Variants in PDSS1 observed in about 807,000 individuals in gnomAD.
PDSS1 encodes the protein decaprenyl diphosphate synthase subunit 1, also known as all trans-polyprenyl-diphosphate synthase PDSS1.
PDSS1 carries 43 observed loss-of-function variants against 57.5 expected under a neutral mutation model. The ratio of observed to expected loss-of-function variants is 0.75; its 90% CI spans 0.59 to 0.96. The LOEUF (loss-of-function observed/expected upper bound fraction) is 0.96. PDSS1 is among the 50% of genes least tolerant of loss of function. The pLI, the probability that PDSS1 is intolerant of heterozygous loss-of-function variation, is 0.00. For synonymous variants in PDSS1, 175 were observed against 191.3 expected (o/e 0.91, Z 0.70); for missense variants, 438 against 527.8 (o/e 0.83, Z 1.67).
At chr10:26,739,363 C>T (rs1482897038) in intron 10 of PDSS1, among the ~76,000 whole-genome samples, 2 of 152,196 alleles carry the variant, frequency 1.3e-5, no homozygotes, top group African/African-American at 4.8e-5. Flanking sequence ...ACTGTTCTTC[C>T]TGCTGTGTTT....
At position 26,709,747 on chromosome 10, in the gene PDSS1, A is replaced by G. The variant is rs768910609; in HGVS notation, c.446A>G (p.Asn149Ser). ...GTGGCGCTAATGGCCCGAGCATGCAATATTCATCATAACAACTCCCGGTGA... is the reference window on the plus strand; with the variant it reads ...GTGGCGCTAATGGCCCGAGCATGCAGTATTCATCATAACAACTCCCGGTGA... ...IIVALMARAC[N>S]IHHNNSRHVQ... Residue 149 changes from asparagine (N) to serine (S), a missense_variant, in exon 5 of 12, where the codon AAT becomes AGT. Around this residue, in one of 2 missense-constraint regions of PDSS1, gnomAD observed 284 missense variants for 390.7 expected, o/e 0.73. Coordinates refer to ENST00000376215, the MANE Select transcript of PDSS1 (RefSeq NM_014317.5). 1.2e-6 allele frequency: 2 copies of G among 1,614,008 alleles called. No homozygotes were observed. Among genetic ancestry groups the G allele is most frequent in the South Asian group, 1.1e-5 (1 of 91,080 alleles).
chr10:26,740,672 T>C (rs1836562726), intron 10 of PDSS1: 2 of 456,756 alleles, frequency 4.4e-6, no homozygotes, highest in Non-Finnish European at 8.8e-6. Context: ...AACTGGCAGC[T>C]GCTGTAAGCA....
At chr10:26,732,999 A>C (rs1413790833) in intron 8 of PDSS1, among the ~76,000 whole-genome samples, 1 of 152,160 alleles carries the variant, frequency 6.6e-6, no homozygotes, top group Non-Finnish European at 1.5e-5. Flanking sequence ...GAGGCAGGAG[A>C]ATCGCTTGAA....
chr10:26,732,363 T>C (rs962095226), intron 8 of PDSS1, among the ~76,000 whole-genome samples: 7 of 152,216 alleles, frequency 4.6e-5, no homozygotes, highest in African/African-American at 1.7e-4. Flanking sequence ...CCCTTCGCCA[T>C]GTGTCAGGCA....
rs1836615398 is a variant in PDSS1 at position 26,741,670 on chromosome 10, T to C, written c.1027-827T>C. On this transcript the variant is annotated intron_variant, in intron 10 of 11. Coordinates refer to ENST00000376215, the MANE Select transcript of PDSS1 (RefSeq NM_014317.5). Reference sequence around the variant, plus strand: ...TTGGTAATCAATTTAGAACTTAGAGTAGAATGCCTAATTCCCATCCTCATC... The same window carrying C: ...TTGGTAATCAATTTAGAACTTAGAGCAGAATGCCTAATTCCCATCCTCATC... Among the ~76,000 whole-genome samples the C allele has an allele frequency of 2.0e-5, 3 of 152,042 alleles. No homozygotes were observed. The South Asian group carries it at 6.2e-4, about 32-fold the overall frequency.
chr10:26,727,148 G>A (rs1198891558), intron 8 of PDSS1, among the ~76,000 whole-genome samples: 2 of 151,510 alleles, frequency 1.3e-5, no homozygotes, highest in African/African-American at 4.8e-5. Flanking sequence ...AATACATTTT[G>A]TACTCATGCA....
chr10:26,734,771 TTGTG>T (rs1387094972), intron 8 of PDSS1: 1 of 455,912 alleles, frequency 2.2e-6, no homozygotes, highest in Non-Finnish European at 4.4e-6. Context: ...GATGGGAAAA[TTGTG>T]TGTGATTACA....
chr10:26,723,096 A>C (rs1248349568), intron 6 of PDSS1, among the ~76,000 whole-genome samples: 1 of 152,046 alleles, frequency 6.6e-6, no homozygotes, highest in Non-Finnish European at 1.5e-5. Context: ...CTGCCCTGGG[A>C]GCATAGAGAC....
intron 10 of PDSS1, chr10:26,740,553 T>G: frequency 2.2e-6 from 1 of 447,988 alleles, no homozygotes; most frequent in East Asian, 7.0e-5. Context: ...TGTGATCACT[T>G]GGCTGCGGCT....
rs1289348313 is a variant in PDSS1 at position 26,723,691 on chromosome 10, G to C, written c.610-115G>C. 6 of 779,510 alleles carry C rather than the reference G, an allele frequency of 7.7e-6. No individual in the cohort carries two copies. The Admixed American group carries it at 1.0e-4, about 14-fold the overall frequency. 48.3% of individuals were successfully genotyped at this position (779,510 alleles called of 1,614,324 possible). On this transcript the variant is annotated intron_variant, in intron 6 of 11. Transcript: ENST00000376215. Reference sequence around the variant, plus strand: ...GAGGAAGAAGAAGGTAAAAAACCCTGCATCCAAGATGAGCCCCCACTTCCA... The same window carrying C: ...GAGGAAGAAGAAGGTAAAAAACCCTCCATCCAAGATGAGCCCCCACTTCCA...
chr10:26,741,379 G>A (rs1836599747), intron 10 of PDSS1, among the ~76,000 whole-genome samples: 1 of 152,106 alleles, frequency 6.6e-6, no homozygotes, highest in Non-Finnish European at 1.5e-5. Context: ...AGCTACTCAG[G>A]AGGCTGAGGC....
At position 26,713,006 on chromosome 10, in the gene PDSS1, A is replaced by G. The variant is rs1467818349; in HGVS notation, c.467+3238A>G. Among the ~76,000 whole-genome samples the G allele has an allele frequency of 9.3e-5, 8 of 86,286 alleles. 2 individuals carry two copies. The Admixed American group carries it at 1.1e-3, about 12-fold the overall frequency. The allele number at this position is 86,286 out of a possible 152,430, so 56.6% of individuals were successfully genotyped here. On this transcript the variant is annotated intron_variant, in intron 5 of 11. Transcript: ENST00000376215. ...TTCTGAGGTATGTATTAAATTGGGG[A>G]TTTTTGCTGGGCACAGTGGCTCACG...
intron 10 of PDSS1, chr10:26,740,514 T>G: frequency 2.9e-5 from 12 of 417,236 alleles, no homozygotes; most frequent in South Asian, 2.1e-4. Flanking sequence ...CTGACACATA[T>G]TTTGGTCTGA....
At chr10:26,726,753 A>G (rs1388881416) in intron 8 of PDSS1, among the ~76,000 whole-genome samples, 3 of 152,124 alleles carry the variant, frequency 2.0e-5, no homozygotes, top group Admixed American at 6.5e-5. Flanking sequence ...TTTGTGATTG[A>G]CTGATATTAA....
rs1352061951 is a variant in PDSS1, at chr10:26,703,563, TATGA to T, written c.163-1111_163-1108del. 2.0e-5 allele frequency among the ~76,000 whole-genome samples: 3 copies of T among 152,338 alleles called. No homozygotes were observed. In the East Asian group the frequency reaches 5.8e-4, roughly 29 times the overall value. On this transcript the variant is annotated intron_variant, in intron 2 of 11. Coordinates refer to ENST00000376215, the MANE Select transcript of PDSS1 (RefSeq NM_014317.5). The stretch of plus-strand genomic sequence containing the variant: ...GTATTATAATAAAATACTGAACTCA[TATGA>T]ATTAATTACCCATGTAGACTGAAAG...
At chr10:26,701,878 A>G in intron 1 of PDSS1, 1 of 454,736 alleles carries the variant, frequency 2.2e-6, no homozygotes, top group Non-Finnish European at 4.4e-6. Context: ...ATGCCAGCCC[A>G]TGAGAATAGC....
At chr10:26,710,065 A>G (rs1222706734) in intron 5 of PDSS1, among the ~76,000 whole-genome samples, 1 of 150,744 alleles carries the variant, frequency 6.6e-6, no homozygotes, top group Non-Finnish European at 1.5e-5. Flanking sequence ...GAGGCAGGAG[A>G]ATCGTTTGAA....
intron 5 of PDSS1, among the ~76,000 whole-genome samples, chr10:26,710,131 G>GAA (rs1564420130): frequency 2.1e-4 from 19 of 89,560 alleles, no homozygotes; most frequent in South Asian, 2.9e-4. Flanking sequence ...TCCAGCCTGG[G>GAA]CGACAGAGCG....
At chr10:26,740,597 T>C (rs1836558550) in intron 10 of PDSS1, 1 of 456,156 alleles carries the variant, frequency 2.2e-6, no homozygotes, top group African/African-American at 2.0e-5. Context: ...CTTCTAGGAT[T>C]ACTAATACCA....
Sources: gnomAD v4.1 joint callset for allele counts (sites outside exome capture counted in the v4.1 genomes callset) on GRCh38, gnomAD v4.1.1 for gene constraint, gnomAD v4.1.1 regional missense constraint, MANE v1.5 for transcripts, NCBI Gene and HGNC (gene_info 2026-07-23, HGNC 2026-07-21) for gene names.